THSD7A: variants seen among roughly 807,000 people sequenced by gnomAD.
THSD7A encodes the protein thrombospondin type-1 domain-containing protein 7A.
A neutral mutation model predicts 231.3 loss-of-function variants in THSD7A; 96 were observed. The ratio of observed to expected loss-of-function variants is 0.41; its 90% CI spans 0.35 to 0.49. The LOEUF (loss-of-function observed/expected upper bound fraction) is 0.49, where lower values mean the gene tolerates loss of function less well. THSD7A is among the 20% of genes least tolerant of loss of function. THSD7A has a pLI of 0.05. For synonymous variants in THSD7A, 940 were observed against 743.3 expected (o/e 1.26, Z -4.30); for missense variants, 2,290 against 2,070.2 (o/e 1.11, Z -2.06).
At chr7:11,761,919 T>A (rs1283007577) in intron 1 of THSD7A, among the ~76,000 whole-genome samples, 1 of 152,014 alleles carries the variant, frequency 6.6e-6, no homozygotes, top group East Asian at 1.9e-4. Context: ...CTTCCCCCCT[T>A]TTGGAGTACT....
chr7:11,475,817 ATAATT>A (rs1786147057), intron 7 of THSD7A, among the ~76,000 whole-genome samples: 2 of 151,048 alleles, frequency 1.3e-5, no homozygotes, highest in African/African-American at 4.8e-5. Context: ...AAAAAATGAC[ATAATT>A]TATTTCCATC....
chr7:11,590,526 C>G lies in THSD7A; in HGVS notation c.1387G>C (p.Glu463Gln). Residue 463 changes from glutamate to glutamine, a missense_variant, in exon 4 of 28, where the codon GAG (glutamate) becomes CAG (glutamine). Glu to Gln is a conservative substitution (Grantham distance 29). Transcript: ENST00000423059. This position sits in a 1 kb window ranked among gnomAD's most constrained non-coding sequence, Gnocchi z 4.4. ...TCGTTGGCCTGCACGCAGTACACCT[C>G]TCGGGTCTGGATGCCCCCTCCACAG... Reference protein sequence around the residue: ...ALCGGGIQTREVYCVQANENL... With the variant: ...ALCGGGIQTRQVYCVQANENL... 1 of 1,613,934 alleles carries G rather than the reference C, an allele frequency of 6.2e-7. No homozygotes were observed. Among genetic ancestry groups the G allele is most frequent in the Non-Finnish European group, 8.5e-7 (1 of 1,179,844 alleles).
chr7:11,542,860 G>GA, intron 5 of THSD7A, 102 bp downstream of exon 5: 1 of 1,316,328 alleles, frequency 7.6e-7, no homozygotes, highest in Non-Finnish European at 1.0e-6. Context: ...AGCCATTCTG[G>GA]AAAATACCAC....
rs1783601731 is a variant in THSD7A at position 11,406,923 on chromosome 7, G to T, written c.4049C>A (p.Pro1350Gln). The part of the protein sequence containing the change: ...CYRWQYGQWS[P>Q]CQVQEAQCGE... ...GAGATTTGATACCTGCACTTGGCAT[G>T]GAGACCACTGGCCATATTGCCACCG... Residue 1350 changes from proline to glutamine, a missense_variant, in exon 21 of 28, where the codon CCA becomes CAA. By Grantham distance (76) the Pro-to-Gln change is moderately conservative. Transcript: ENST00000423059. This position sits in a 1 kb window ranked among gnomAD's most constrained non-coding sequence, Gnocchi z 4.7. 1 of 1,613,794 alleles carries T rather than the reference G, an allele frequency of 6.2e-7. No individual in the cohort carries two copies. Among genetic ancestry groups the T allele is most frequent in the African/African-American group, 1.3e-5 (1 of 75,018 alleles).
intron 2 of THSD7A, among the ~76,000 whole-genome samples, chr7:11,615,622 G>C (rs1411433266): frequency 2.0e-5 from 3 of 152,110 alleles, no homozygotes; most frequent in African/African-American, 7.2e-5. Context: ...TGGATATATA[G>C]TGTACTCATT....
In THSD7A at chr7:11,680,678, G is replaced by A. The variant is rs555374835; in HGVS notation, c.191-43717C>T. ...ACCATCTCACAGCAGTTAGAATAGC[G>A]ATCATTCAAAATTCAGGAAATAACA... is the stretch of plus-strand genomic sequence containing the variant. On this transcript the variant is annotated intron_variant, in intron 1 of 27. Transcript: ENST00000423059. Among the ~76,000 whole-genome samples the A allele has an allele frequency of 2.6e-5, 4 of 152,120 alleles. No individual in the cohort carries two copies. The East Asian group carries it at 5.8e-4, about 22-fold the overall frequency.
intron 11 of THSD7A, among the ~76,000 whole-genome samples, chr7:11,450,763 T>C (rs968043802): frequency 3.9e-5 from 6 of 152,006 alleles, no homozygotes; most frequent in African/African-American, 1.4e-4. Context: ...TATTTACAGG[T>C]GAAGCATGTA....
chr7:11,831,807 G>A lies in THSD7A; in HGVS notation c.140C>T (p.Ala47Val). 1.4e-6 allele frequency: 2 copies of A among 1,455,666 alleles called. No homozygotes were observed. The highest frequency in any genetic ancestry group is 1.8e-6 in the Non-Finnish European group (2 of 1,100,382). 90.2% of individuals were successfully genotyped at this position (1,455,666 alleles called of 1,614,324 possible). A position where few individuals can be genotyped will look rare whatever the true frequency, so the allele number is the denominator to read the frequency against. Reference protein sequence around the residue: ...LLLLRPGAGRAAAQGEAEAPT... With the variant: ...LLLLRPGAGRVAAQGEAEAPT... ...CGCCTCCGCCTCGCCCTGCGCCGCAGCCCTGCCGGCGCCCGGGCGTAGCAG... is the reference window on the plus strand; with the variant it reads ...CGCCTCCGCCTCGCCCTGCGCCGCAACCCTGCCGGCGCCCGGGCGTAGCAG... Residue 47 changes from alanine to valine, a missense_variant, in exon 1 of 28, where the codon GCT becomes GTT. Ala to Val is a moderately conservative substitution (Grantham distance 64). Transcript: ENST00000423059. The surrounding 1 kb of genome is among the most constrained non-coding windows in gnomAD (Gnocchi z 5.0).
intron 16 of THSD7A, among the ~76,000 whole-genome samples, chr7:11,423,243 G>A (rs1018746161): frequency 2.0e-5 from 3 of 151,950 alleles, no homozygotes; most frequent in Non-Finnish European, 2.9e-5. Context: ...GGTTTTATAC[G>A]GTAAAACAAA....
At chr7:11,466,318 C>A (rs1399380372) in intron 9 of THSD7A, among the ~76,000 whole-genome samples, 1 of 152,088 alleles carries the variant, frequency 6.6e-6, no homozygotes, top group Non-Finnish European at 1.5e-5. Context: ...GGTGTAATTT[C>A]AAAATGATAC....
At chr7:11,386,562 T>G (rs1413390489) in intron 23 of THSD7A, among the ~76,000 whole-genome samples, 1 of 152,174 alleles carries the variant, frequency 6.6e-6, no homozygotes, top group Non-Finnish European at 1.5e-5. Context: ...GATGGCATTG[T>G]TTTTTTCTTG....
At chr7:11,420,508 T>C (rs1041506280) in intron 16 of THSD7A, among the ~76,000 whole-genome samples, 3 of 152,338 alleles carry the variant, frequency 2.0e-5, no homozygotes, top group Admixed American at 6.5e-5. Flanking sequence ...TCCACCCGGA[T>C]TTCAGAGGAT....
intron 1 of THSD7A, among the ~76,000 whole-genome samples, chr7:11,782,300 C>A (rs1232705269): frequency 6.6e-6 from 1 of 152,056 alleles, no homozygotes; most frequent in Non-Finnish European, 1.5e-5. Flanking sequence ...CAGATTGTCA[C>A]AAATGATCAG....
At chr7:11,512,376 G>A (rs1366668687) in intron 6 of THSD7A, among the ~76,000 whole-genome samples, 5 of 152,132 alleles carry the variant, frequency 3.3e-5, no homozygotes, top group Non-Finnish European at 7.4e-5. Context: ...AGTCAGTGTG[G>A]CGATTCCTCA....
intron 1 of THSD7A, among the ~76,000 whole-genome samples, chr7:11,765,727 A>G (rs962914497): frequency 1.3e-5 from 2 of 152,118 alleles, no homozygotes; most frequent in African/African-American, 2.4e-5. Flanking sequence ...TCATGTAAGT[A>G]TACAGTAGTG....
At chr7:11,629,638 C>A (rs1323328201) in intron 2 of THSD7A, among the ~76,000 whole-genome samples, 1 of 152,128 alleles carries the variant, frequency 6.6e-6, no homozygotes, top group East Asian at 1.9e-4. Flanking sequence ...GATGGGCCCT[C>A]AGGAACCATA....
intron 4 of THSD7A, among the ~76,000 whole-genome samples, chr7:11,589,738 TA>T (rs1361859994): frequency 1.3e-5 from 2 of 152,230 alleles, no homozygotes; most frequent in Non-Finnish European, 2.9e-5. Flanking sequence ...AAGATGTTCA[TA>T]TTTGTGTGTG....
At chr7:11,702,208 T>A (rs1057259188) in intron 1 of THSD7A, among the ~76,000 whole-genome samples, 1 of 150,932 alleles carries the variant, frequency 6.6e-6, no homozygotes, top group African/African-American at 2.4e-5. Flanking sequence ...AAAACCAGAG[T>A]CTGGTATGAT....
At chr7:11,516,635 T>C (rs900506509) in intron 6 of THSD7A, among the ~76,000 whole-genome samples, 4 of 152,220 alleles carry the variant, frequency 2.6e-5, no homozygotes, top group Non-Finnish European at 4.4e-5. Flanking sequence ...TCTGTAAAGC[T>C]TTCTCTTTAA....
Sources: gnomAD v4.1 joint callset for allele counts (sites outside exome capture counted in the v4.1 genomes callset) on GRCh38, gnomAD v4.1.1 for gene constraint, Gnocchi (gnomAD v3.1) non-coding constraint, MANE v1.5 for transcripts, NCBI Gene and HGNC (gene_info 2026-07-23, HGNC 2026-07-21) for gene names.